The following LGALS9 variants were observed in gnomAD, a reference collection of about 807,000 sequenced individuals.
LGALS9 encodes galectin 9, also known as galectin-9.
In LGALS9, 26 loss-of-function variants were observed where a neutral mutation model predicts 35.9. The ratio of observed to expected loss-of-function variants is 0.72; its 90% CI spans 0.53 to 1.01. The LOEUF is 1.01. LGALS9 is among the 50% of genes least tolerant of loss of function. The pLI is 0.00. For synonymous variants in LGALS9, 149 were observed against 172.2 expected (o/e 0.87, Z 1.06); for missense variants, 347 against 445.8 (o/e 0.78, Z 1.99).
chr17:27,635,513 G>A (rs2074439924), intron 1 of LGALS9, among the ~76,000 whole-genome samples: 1 of 151,806 alleles, frequency 6.6e-6, no homozygotes, highest in South Asian at 2.1e-4. Flanking sequence ...AATTTTGGGG[G>A]CACTATTTAA....
At position 27,646,817 on chromosome 17, in the gene LGALS9, C is replaced by T. The variant is rs780120972; in HGVS notation, c.670-213C>T. On this transcript the variant is annotated intron_variant, in intron 8 of 10. Coordinates refer to ENST00000395473, the MANE Select transcript of LGALS9 (RefSeq NM_009587.3). ...TGCATGTCCCTCCCTTTTCACCCCA[C>T]GAAACGAGTCTTTTTGTGTTTGGCC... 1.2e-4 allele frequency among the ~76,000 whole-genome samples: 18 copies of T among 152,324 alleles called. No individual in the cohort carries two copies. In the East Asian group the frequency reaches 1.9e-3, roughly 16 times the overall value.
chr17:27,641,146 CTATTAAGGGTATAGTT>C, intron 3 of LGALS9: 1 of 399,704 alleles, frequency 2.5e-6, no homozygotes, highest in Non-Finnish European at 4.9e-6. Flanking sequence ...TATCCAGGGT[CTATTAAGGGTATAGTT>C]TTGTAAGCAC....
intron 4 of LGALS9, among the ~76,000 whole-genome samples, 159 bp from the exon 5 acceptor site, chr17:27,643,366 G>A (rs1260569431): frequency 6.6e-6 from 1 of 152,174 alleles, no homozygotes; most frequent in African/African-American, 2.4e-5. Flanking sequence ...GCTCACCAGA[G>A]CCTGGCTCTT....
At chr17:27,644,403 A>G (rs957873332) in intron 5 of LGALS9, 1 of 152,584 alleles carries the variant, frequency 6.6e-6, no homozygotes, top group African/African-American at 2.4e-5. Context: ...CCCTATGCCC[A>G]TGAGGCCCCA....
intron 2 of LGALS9, 136 bp from the exon 3 acceptor site, chr17:27,640,436 C>A: frequency 7.8e-7 from 1 of 1,286,400 alleles, no homozygotes; most frequent in South Asian, 1.3e-5. Context: ...AAAAACGATG[C>A]CAACAAAGCA....
intron 1 of LGALS9, among the ~76,000 whole-genome samples, chr17:27,636,902 G>A (rs1598180155): frequency 6.6e-6 from 1 of 152,228 alleles, no homozygotes; most frequent in Non-Finnish European, 1.5e-5. Flanking sequence ...GGCCCAGATG[G>A]CAATCACTGC....
intron 2 of LGALS9, chr17:27,638,734 T>C (rs1053190055): frequency 1.7e-4 from 51 of 307,548 alleles, no homozygotes; most frequent in Non-Finnish European, 2.8e-4. Context: ...TCTGCTGATG[T>C]GAAAATATTG....
At position 27,640,568 on chromosome 17, in the gene LGALS9, C is replaced by G. The variant is rs1904392639; in HGVS notation, c.132-4C>G. 3 of 1,613,922 alleles carry G rather than the reference C, an allele frequency of 1.9e-6. No individual in the cohort carries two copies. Among genetic ancestry groups the G allele is most frequent in the African/African-American group, 1.3e-5 (1 of 74,942 alleles). The stretch of plus-strand genomic sequence containing the variant: ...AGAAGACTATTTGCTTTCCCTGGGC[C>G]TAGGTTTGCTGTGAACTTTCAGACT... On this transcript the variant is annotated splice_region_variant and splice_polypyrimidine_tract_variant and intron_variant, in intron 2 of 10. Coordinates refer to ENST00000395473, the MANE Select transcript of LGALS9 (RefSeq NM_009587.3).
At chr17:27,640,494 C>A (rs559448752) in intron 2 of LGALS9, 78 bp from the exon 3 acceptor site, 11 of 1,594,942 alleles carry the variant, frequency 6.9e-6, no homozygotes, top group Admixed American at 6.7e-5. Context: ...ATGCAAAGCA[C>A]AGGCGCCGAG....
At chr17:27,648,767 G>A in intron 10 of LGALS9, 69 bp from the exon 11 acceptor site, 1 of 1,595,596 alleles carries the variant, frequency 6.3e-7, no homozygotes, top group Non-Finnish European at 8.5e-7. Context: ...GGGAGGGAGG[G>A]AGAGAGGAGG....
At chr17:27,645,284 C>A (rs753786802) in intron 5 of LGALS9, 30 bp from the exon 6 acceptor site, 1 of 1,613,904 alleles carries the variant, frequency 6.2e-7, no homozygotes, top group East Asian at 2.2e-5. Flanking sequence ...CCCGCGATAA[C>A]CACCATTCTG....
In LGALS9 at chr17:27,646,567, G is replaced by T. The variant is rs771430037; in HGVS notation, c.648G>T (p.Met216Ile). 1 of 1,612,220 alleles carries T rather than the reference G, an allele frequency of 6.2e-7. No individual in the cohort carries two copies. Among genetic ancestry groups the T allele is most frequent in the Admixed American group, 1.7e-5 (1 of 60,010 alleles). Reference protein sequence around the residue: ...QMFSTPAIPPMMYPHPAYPMP... With the variant: ...QMFSTPAIPPIMYPHPAYPMP... ...AACAGACTCCCGCCATCCCACCTAT[G>T]ATGTACCCCCACCCCGCCTATGTAA... is the stretch of plus-strand genomic sequence containing the variant. The change falls in exon 8 of 11, where the codon ATG (methionine) becomes ATT (isoleucine). Residue 216 changes from methionine to isoleucine, a missense_variant. Physicochemically the swap from Met to Ile is conservative, Grantham distance 10. Coordinates refer to ENST00000395473, the MANE Select transcript of LGALS9 (RefSeq NM_009587.3).
chr17:27,646,444 C>T (rs1904948385), intron 7 of LGALS9, 103 bp from the exon 8 acceptor site: 2 of 1,558,958 alleles, frequency 1.3e-6, no homozygotes, highest in African/African-American at 1.4e-5. Flanking sequence ...CTCACGAGGT[C>T]AGCCTCACAG....
At chr17:27,639,693 C>T (rs1366409500) in intron 2 of LGALS9, among the ~76,000 whole-genome samples, 10 of 152,056 alleles carry the variant, frequency 6.6e-5, no homozygotes, top group East Asian at 1.9e-4. Context: ...TCTCAGCCTC[C>T]GGAGCAGCTG....
intron 7 of LGALS9, 44 bp from the exon 8 acceptor site, chr17:27,646,503 A>G: frequency 6.2e-7 from 1 of 1,611,894 alleles, no homozygotes; most frequent in Admixed American, 1.7e-5. Context: ...GTGCTCGCGC[A>G]CCCATGTGCT....
intron 7 of LGALS9, 100 bp downstream of exon 7, chr17:27,646,011 G>A: frequency 6.6e-7 from 1 of 1,516,604 alleles, no homozygotes; most frequent in Non-Finnish European, 9.1e-7. Context: ...AAGCGGTTTA[G>A]CAAGGAGGAT....
At position 27,649,068 on chromosome 17, in the gene LGALS9, C is replaced by T; in HGVS notation, c.*86C>T. On this transcript the variant is annotated 3_prime_UTR_variant, in exon 11 of 11. Coordinates refer to ENST00000395473, the MANE Select transcript of LGALS9 (RefSeq NM_009587.3). ...TCCCCACTTCCCAGGCCCAGCCTTT[C>T]CAACCCTGCCTGGGATCTGGGCTTT... 1.3e-6 allele frequency: 2 copies of T among 1,589,540 alleles called. No homozygotes were observed. Among genetic ancestry groups the T allele is most frequent in the Non-Finnish European group, 1.7e-6 (2 of 1,163,866 alleles).
chr17:27,632,085 G>A (rs1420463565), intron 1 of LGALS9, among the ~76,000 whole-genome samples: 1 of 152,088 alleles, frequency 6.6e-6, no homozygotes, highest in Non-Finnish European at 1.5e-5. Flanking sequence ...CTGAGGCTCA[G>A]GGAGGCAGAG....
At chr17:27,631,566 T>C (rs1244199153) in intron 1 of LGALS9, among the ~76,000 whole-genome samples, 1 of 152,174 alleles carries the variant, frequency 6.6e-6, no homozygotes, top group African/African-American at 2.4e-5. Flanking sequence ...CTGTCCTGTG[T>C]GCTCAGGGGA....
Sources: allele counts gnomAD v4.1 joint callset (sites outside exome capture counted in the v4.1 genomes callset), GRCh38; gene constraint gnomAD v4.1.1; transcripts MANE v1.5; gene names NCBI Gene and HGNC (gene_info 2026-07-23, HGNC 2026-07-21).